INTS9: variants seen among roughly 807,000 people sequenced by gnomAD.
The protein encoded by INTS9 is protein related to CPSF subunits of 74 kDa.
A neutral mutation model predicts 79.7 loss-of-function variants in INTS9; 55 were observed. The observed-to-expected ratio is 0.69, with a 90% CI of 0.56 to 0.86. The LOEUF (loss-of-function observed/expected upper bound fraction) is 0.86. Ranked by LOEUF, INTS9 falls within the 40% of genes least tolerant of loss-of-function variation. INTS9 has a pLI of 0.00. For synonymous variants in INTS9, 319 were observed against 325.2 expected, an observed-to-expected ratio of 0.98 and a Z score of 0.20; for missense variants, 721 against 831.5, an observed-to-expected ratio of 0.87 and a Z score of 1.64.
chr8:28,839,644 A>T (rs979365065), intron 4 of INTS9, among the ~76,000 whole-genome samples: 2 of 152,210 alleles, frequency 1.3e-5, no homozygotes, highest in Admixed American at 6.5e-5. Flanking sequence ...CCGCATATCT[A>T]TAACTATCTG....
intron 8 of INTS9, among the ~76,000 whole-genome samples, chr8:28,810,763 T>C (rs188092114): frequency 3.5e-4 from 52 of 147,742 alleles, no homozygotes; most frequent in African/African-American, 1.0e-3. Flanking sequence ...AAATGAACAG[T>C]AAATTATTTA....
intron 16 of INTS9, among the ~76,000 whole-genome samples, chr8:28,769,333 A>G (rs1802392043): frequency 6.6e-6 from 1 of 152,222 alleles, no homozygotes; most frequent in African/African-American, 2.4e-5. Flanking sequence ...TATAATCCTA[A>G]TAAAGTCATC....
At position 28,888,397 on chromosome 8, in the gene INTS9, T is replaced by C. The variant is rs530135512; in HGVS notation, c.9+1477A>G. Among the ~76,000 whole-genome samples, 258 of 151,976 alleles carry C rather than the reference T, an allele frequency of 1.7e-3. 1 individual carries two copies. Among genetic ancestry groups the C allele is most frequent in the Non-Finnish European group, 2.5e-3 (169 of 67,956 alleles). On this transcript the variant is annotated intron_variant, in intron 1 of 16. Transcript: ENST00000521022. The stretch of plus-strand genomic sequence containing the variant: ...TTAAACCCCATTTCTACAAAAAAAA[T>C]AAGCAGGGTGCAGTGGTGCGCGCCT...
chr8:28,815,674 A>G (rs1221025727), intron 6 of INTS9, among the ~76,000 whole-genome samples: 1 of 152,208 alleles, frequency 6.6e-6, no homozygotes. Context: ...AGAGTAGATT[A>G]ATAAAAAATA....
chr8:28,878,651 A>T (rs1809526665), intron 1 of INTS9, among the ~76,000 whole-genome samples: 1 of 150,516 alleles, frequency 6.6e-6, no homozygotes, highest in African/African-American at 2.4e-5. Context: ...TAAAAAAAAA[A>T]CAAAACAAAA....
chr8:28,850,816 T>A (rs1357042085), intron 2 of INTS9, among the ~76,000 whole-genome samples: 1 of 152,336 alleles, frequency 6.6e-6, no homozygotes, highest in South Asian at 2.1e-4. Context: ...GTGACTTGAG[T>A]TTCCAATTCT....
chr8:28,777,647 T>C (rs1364109557), intron 13 of INTS9, among the ~76,000 whole-genome samples, 182 bp downstream of exon 13: 1 of 151,482 alleles, frequency 6.6e-6, no homozygotes, highest in Non-Finnish European at 1.5e-5. Context: ...GCGGTCAGGG[T>C]GTAAAGACCA....
Position 28,769,959 on chromosome 8 carries a change from T to C in INTS9, c.1730A>G (p.Asp577Gly). Reference sequence around the variant, plus strand: ...CAACAAAGGCTTCAGGACTTTGCAGTCTGGTACGTCATCGCTCACCCGCTT... The same window carrying C: ...CAACAAAGGCTTCAGGACTTTGCAGCCTGGTACGTCATCGCTCACCCGCTT... ...KRKRVSDDVPDCKVLKPLLSG... is the reference protein window; with the variant it reads ...KRKRVSDDVPGCKVLKPLLSG... The change falls in exon 16 of 17, where the codon GAC becomes GGC. Residue 577 changes from aspartate (D) to glycine (G), a missense_variant. Coordinates refer to ENST00000521022, the MANE Select transcript of INTS9 (RefSeq NM_018250.4). 2 of 1,614,220 alleles carry C rather than the reference T, an allele frequency of 1.2e-6. No homozygotes were observed. The highest frequency in any genetic ancestry group is 1.7e-6 in the Non-Finnish European group (2 of 1,180,032).
At chr8:28,775,427 C>G (rs1802808248) in intron 14 of INTS9, among the ~76,000 whole-genome samples, 1 of 151,668 alleles carries the variant, frequency 6.6e-6, no homozygotes, top group Non-Finnish European at 1.5e-5. Context: ...ACCTCCACCT[C>G]CTGGTTCAAG....
At position 28,793,956 on chromosome 8, in the gene INTS9, C is replaced by G. The variant is rs1420326178; in HGVS notation, c.888G>C (p.Leu296Phe). The change falls in exon 10 of 17, where the codon TTG becomes TTC. Residue 296 changes from leucine (L) to phenylalanine (F), a missense_variant. By Grantham distance (22) the Leu-to-Phe change is conservative. This residue lies in a region of INTS9 where 149 missense variants were observed against 223.7 expected (regional missense o/e 0.67). Transcript: ENST00000521022. ...TCACTCCAGAAGGGTAGCAGGGAACCAACACGTTTCCTCCATTCCGGACTG... is the reference window on the plus strand; with the variant it reads ...TCACTCCAGAAGGGTAGCAGGGAACGAACACGTTTCCTCCATTCCGGACTG... ...ALTVRNGGNV[L>F]VPCYPSGVIY... is the part of the protein sequence containing the mutation. 6.2e-7 allele frequency: 1 copy of G among 1,605,640 alleles called. No homozygotes were observed. The highest frequency in any genetic ancestry group is 8.5e-7 in the Non-Finnish European group (1 of 1,174,894).
intron 12 of INTS9, chr8:28,780,304 A>G: frequency 1.2e-6 from 1 of 841,642 alleles, no homozygotes; most frequent in Non-Finnish European, 1.4e-6. Flanking sequence ...CCTATCACAG[A>G]TAAGCAAAAA....
At chr8:28,881,220 G>T (rs1809763387) in intron 1 of INTS9, among the ~76,000 whole-genome samples, 1 of 149,438 alleles carries the variant, frequency 6.7e-6, no homozygotes, top group Admixed American at 6.6e-5. Flanking sequence ...GAGCCCCTCT[G>T]CCCGGCCAGT....
chr8:28,795,512 C>A (rs140150760), intron 9 of INTS9, among the ~76,000 whole-genome samples: 1,765 of 151,792 alleles, frequency 0.012, 29 homozygotes, highest in African/African-American at 0.041. Context: ...CAGTGGCGCA[C>A]ACCTGTAGTC....
At position 28,767,990 on chromosome 8, in the gene INTS9, C is replaced by A; in HGVS notation, c.*156G>T. ...GCCTGAAACAGTGCTGGGAATAAGT[C>A]CAGACCATTTCCCTCAAGAGCCACC... is the stretch of plus-strand genomic sequence containing the variant. On this transcript the variant is annotated 3_prime_UTR_variant, in exon 17 of 17. Coordinates refer to ENST00000521022, the MANE Select transcript of INTS9 (RefSeq NM_018250.4). 1 of 708,624 alleles carries A rather than the reference C, an allele frequency of 1.4e-6. No individual in the cohort carries two copies. The highest frequency in any genetic ancestry group is 1.7e-5 in the South Asian group (1 of 59,612). The allele number at this position is 708,624 out of a possible 1,614,324, so 43.9% of individuals were successfully genotyped here.
rs1803207169 is a variant in INTS9 at position 28,780,753 on chromosome 8, A to G, written c.1270+70T>C. 3.8e-6 allele frequency: 6 copies of G among 1,573,984 alleles called. No individual in the cohort carries two copies. In the Admixed American group the frequency reaches 7.0e-5, roughly 18 times the overall value. On this transcript the variant is annotated intron_variant, in intron 12 of 16. Transcript: ENST00000521022. ...CTGCAAAATCCTTCCCTGGGTCTCT[A>G]CCTTGTAGGTGCATTCACTCATGGC...
At chr8:28,844,760 G>T (rs1290069315) in intron 4 of INTS9, among the ~76,000 whole-genome samples, 1 of 152,286 alleles carries the variant, frequency 6.6e-6, no homozygotes, top group Admixed American at 6.5e-5. Context: ...AGGTTGCAAT[G>T]AGCCAAGATG....
intron 8 of INTS9, chr8:28,799,460 G>A (rs1217168205): frequency 6.6e-6 from 1 of 152,198 alleles, no homozygotes; most frequent in African/African-American, 2.4e-5. Context: ...ACCATTGTAA[G>A]ATACCTCATG....
chr8:28,829,914 T>C (rs367975524), intron 6 of INTS9, among the ~76,000 whole-genome samples: 66 of 152,288 alleles, frequency 4.3e-4, no homozygotes, highest in African/African-American at 1.5e-3. Flanking sequence ...CAGCTGCCCC[T>C]ATACAGAGGT....
At chr8:28,799,835 T>C (rs554652588) in intron 8 of INTS9, among the ~76,000 whole-genome samples, 1 of 152,356 alleles carries the variant, frequency 6.6e-6, no homozygotes, top group Non-Finnish European at 1.5e-5. Flanking sequence ...AACTCGGGCC[T>C]CACTCAGCCA....
Sources: gnomAD v4.1 joint callset for allele counts (sites outside exome capture counted in the v4.1 genomes callset) on GRCh38, gnomAD v4.1.1 for gene constraint, gnomAD v4.1.1 regional missense constraint, MANE v1.5 for transcripts, NCBI Gene and HGNC (gene_info 2026-07-23, HGNC 2026-07-21) for gene names.